The following STK3 variants were observed in gnomAD, a reference collection of about 807,000 sequenced individuals.
STK3 encodes the protein serine/threonine-protein kinase 3.
In STK3, 41 loss-of-function variants were observed where a neutral mutation model predicts 58.0. The ratio of observed to expected loss-of-function variants is 0.71; its 90% CI spans 0.55 to 0.92. The LOEUF is 0.92. STK3 is among the 40% of genes least tolerant of loss of function. STK3 has a pLI of 0.00. For synonymous variants in STK3, 170 were observed against 191.0 expected (o/e 0.89, Z 0.91); for missense variants, 479 against 602.7 (o/e 0.79, Z 2.15).
intron 6 of STK3, among the ~76,000 whole-genome samples, chr8:98,671,052 C>G (rs1822796131): frequency 6.6e-6 from 1 of 152,066 alleles, no homozygotes; most frequent in African/African-American, 2.4e-5. Flanking sequence ...AAAAATCCTG[C>G]ATCAACACTA....
At chr8:98,463,455 A>G (rs1418949817) in intron 10 of STK3, among the ~76,000 whole-genome samples, 2 of 152,150 alleles carry the variant, frequency 1.3e-5, no homozygotes, top group African/African-American at 4.8e-5. Context: ...CAGGAGCATA[A>G]AAAACTCAGT....
At chr8:98,794,032 CA>C (rs1487856196) in intron 1 of STK3, among the ~76,000 whole-genome samples, 1 of 151,942 alleles carries the variant, frequency 6.6e-6, no homozygotes, top group South Asian at 2.1e-4. Context: ...TGGGAAGCAG[CA>C]AAAAAGTATA....
chr8:98,428,395 G>A lies in STK3; in HGVS notation n.483+5732C>T, dbSNP rs1818276430. Reference sequence around the variant, plus strand: ...GAGCAGGAGAAGTGGGACGAGCAGAGTGACCAGGAGAGCACCACGTCTTCC... The same window carrying A: ...GAGCAGGAGAAGTGGGACGAGCAGAATGACCAGGAGAGCACCACGTCTTCC... On this transcript the variant is annotated intron_variant and non_coding_transcript_variant, in intron 3 of 3. Coordinates refer to the STK3 transcript ENST00000517832. This position sits in a 1 kb window ranked among gnomAD's most constrained non-coding sequence, Gnocchi z 6.7. 1 of 1,614,204 alleles carries A rather than the reference G, an allele frequency of 6.2e-7. No individual in the cohort carries two copies. The highest frequency in any genetic ancestry group is 8.5e-7 in the Non-Finnish European group (1 of 1,180,044).
intron 6 of STK3, among the ~76,000 whole-genome samples, chr8:98,666,222 G>C (rs1412306389): frequency 2.0e-5 from 3 of 151,234 alleles, no homozygotes; most frequent in Non-Finnish European, 4.4e-5. Flanking sequence ...GAGGTATTCT[G>C]ATTCATCCAA....
At chr8:98,734,284 T>C (rs1828414130) in intron 4 of STK3, among the ~76,000 whole-genome samples, 1 of 152,136 alleles carries the variant, frequency 6.6e-6, no homozygotes, top group South Asian at 2.1e-4. Context: ...ACTAGGCAAA[T>C]GTTACTTATT....
chr8:98,537,188 T>C (rs1420024311), intron 9 of STK3, among the ~76,000 whole-genome samples: 6 of 152,218 alleles, frequency 3.9e-5, no homozygotes, highest in Non-Finnish European at 7.4e-5. Context: ...TTTATTCAAA[T>C]GTATAATGTA....
intron 6 of STK3, among the ~76,000 whole-genome samples, chr8:98,685,280 G>GA: frequency 6.6e-6 from 1 of 152,226 alleles, no homozygotes; most frequent in Middle Eastern, 3.4e-3. Flanking sequence ...ATGTCAGTAG[G>GA]AAAATGATAA....
intron 3 of STK3, chr8:98,430,222 C>G (rs1223050452): frequency 6.0e-6 from 1 of 167,052 alleles, no homozygotes; most frequent in African/African-American, 2.4e-5. Flanking sequence ...GGCTGAGCCC[C>G]TTGGTTCACA....
At chr8:98,867,457 G>A (rs375115267) in intron 3 of STK3, among the ~76,000 whole-genome samples, 53 of 152,176 alleles carry the variant, frequency 3.5e-4, no homozygotes, top group African/African-American at 1.3e-3. Flanking sequence ...GGCTTGGGAT[G>A]TTTATCTAAC....
chr8:98,855,857 T>C (rs1163604233), intron 3 of STK3, among the ~76,000 whole-genome samples: 2 of 151,896 alleles, frequency 1.3e-5, no homozygotes, highest in Non-Finnish European at 2.9e-5. Context: ...CCCATCTCTA[T>C]TGAAAATACA....
chr8:98,711,210 C>T (rs577107368), intron 4 of STK3, among the ~76,000 whole-genome samples: 1 of 152,242 alleles, frequency 6.6e-6, no homozygotes, highest in East Asian at 1.9e-4. Flanking sequence ...AAACTGGAAA[C>T]TCTAAAAATA....
chr8:98,736,662 G>A (rs1236935362), intron 4 of STK3, among the ~76,000 whole-genome samples: 1 of 152,046 alleles, frequency 6.6e-6, no homozygotes, highest in Non-Finnish European at 1.5e-5. Context: ...CCCCTAATAA[G>A]ATTTCTTTCA....
intron 1 of STK3, among the ~76,000 whole-genome samples, chr8:98,898,564 T>A (rs1380227433): frequency 6.6e-6 from 1 of 152,206 alleles, no homozygotes; most frequent in African/African-American, 2.4e-5. Flanking sequence ...TAAAATGTTT[T>A]ATGAGAATTA....
At chr8:98,346,150 T>A in the STK3 span, among the ~76,000 whole-genome samples, 4 of 151,886 alleles carry the variant, frequency 2.6e-5, no homozygotes, top group Admixed American at 2.6e-4. Flanking sequence ...CCAGGCATGA[T>A]CTTGGGTGCC....
intron 3 of STK3, among the ~76,000 whole-genome samples, chr8:98,414,596 C>G (rs1332118597): frequency 6.6e-6 from 1 of 152,210 alleles, no homozygotes; most frequent in African/African-American, 2.4e-5. Flanking sequence ...AATCCAACTT[C>G]GAAACAGTGG....
At chr8:98,433,444 T>TG (rs1436777783) in intron 3 of STK3, among the ~76,000 whole-genome samples, 2 of 152,142 alleles carry the variant, frequency 1.3e-5, no homozygotes, top group African/African-American at 4.8e-5. Flanking sequence ...AGACTGAGTA[T>TG]GGGCCGGTCC....
chr8:98,838,096 AG>A (rs1171961474), intron 3 of STK3, among the ~76,000 whole-genome samples: 4 of 148,524 alleles, frequency 2.7e-5, no homozygotes, highest in Admixed American at 6.7e-5. Flanking sequence ...AAAAAAAAAA[AG>A]TCAGATGTGG....
intron 1 of STK3, among the ~76,000 whole-genome samples, chr8:98,925,025 G>A (rs1183962961): frequency 6.6e-6 from 1 of 152,176 alleles, no homozygotes; most frequent in South Asian, 2.1e-4. Flanking sequence ...TCAAAGCTAG[G>A]TTTCCTCTGA....
chr8:98,744,394 T>C (rs1436009949), intron 4 of STK3, among the ~76,000 whole-genome samples: 7 of 151,952 alleles, frequency 4.6e-5, no homozygotes, highest in Non-Finnish European at 8.8e-5. Context: ...TGGAATACTA[T>C]GCAGCCACAA....
Sources: allele counts gnomAD v4.1 joint callset (sites outside exome capture counted in the v4.1 genomes callset), GRCh38; gene constraint gnomAD v4.1.1; non-coding constraint Gnocchi (gnomAD v3.1); transcripts MANE v1.5; gene names NCBI Gene and HGNC (gene_info 2026-07-23, HGNC 2026-07-21).